Variants in LDHD observed in about 807,000 individuals in gnomAD.
LDHD encodes the protein lactate dehydrogenase D.
In LDHD, 58 loss-of-function variants were observed where a neutral mutation model predicts 52.9. That is an observed-to-expected ratio of 1.10 (90% CI 0.89 to 1.36). LDHD has a LOEUF of 1.36. LDHD is among the 40% of genes most tolerant of loss of function. The pLI, the probability that LDHD is intolerant of heterozygous loss-of-function variation, is 0.00. For missense variants in LDHD, 747 were observed against 668.0 expected (o/e 1.12, Z -1.30); for synonymous variants, 350 against 288.6 (o/e 1.21, Z -2.16).
rs2036525193 is a variant in LDHD, at chr16:75,115,348, A to T, written c.186-9T>A. The T allele has an allele frequency of 6.2e-7, 1 of 1,613,214 alleles. No individual in the cohort carries two copies. The highest frequency in any genetic ancestry group is 1.3e-5 in the African/African-American group (1 of 74,946). ...CATCAGGAGGTTCGCACCTAGAACC[A>T]GACCCTCAGCGATTTAGCGGGGCGT... On this transcript the variant is annotated splice_polypyrimidine_tract_variant and intron_variant, in intron 2 of 10. Transcript: ENST00000450168.
In LDHD at chr16:75,114,111, C is replaced by T. The variant is rs759165932; in HGVS notation, c.684G>A (p.Thr228=). 9.9e-6 allele frequency: 16 copies of T among 1,612,386 alleles called. No individual in the cohort carries two copies. The highest frequency in any genetic ancestry group is 1.3e-5 in the Non-Finnish European group (15 of 1,179,990). The change falls in exon 6 of 11, where the codon ACG becomes ACA. Residue 228 remains threonine, a synonymous_variant. Transcript: ENST00000450168. Reference sequence around the variant, plus strand: ...GGGTGGTGGCTGTGATGAGGCCCAGCGTCCCCTCGGAGCCCACGAAGAGCC... The same window carrying T: ...GGGTGGTGGCTGTGATGAGGCCCAGTGTCCCCTCGGAGCCCACGAAGAGCC... ...LTGLFVGSEG[T]LGLITATTLR...
At position 75,111,981 on chromosome 16, in the gene LDHD, G is replaced by A. The variant is rs2036402548; in HGVS notation, c.*375C>T. On this transcript the variant is annotated 3_prime_UTR_variant, in exon 11 of 11. Coordinates refer to ENST00000450168, the MANE Select transcript of LDHD (RefSeq NM_194436.3). ...AGGAAAGGAGTGTTCCTGTCACCAG[G>A]TGAAGGGGGAAGGGTCCTGGGACCC... 2 of 204,244 alleles carry A rather than the reference G, an allele frequency of 9.8e-6. No individual in the cohort carries two copies. Among genetic ancestry groups the A allele is most frequent in the Admixed American group, 5.4e-5 (1 of 18,606 alleles). 12.7% of individuals were successfully genotyped at this position (204,244 alleles called of 1,614,324 possible). A position where few individuals can be genotyped will look rare whatever the true frequency, so the allele number is the denominator to read the frequency against.
intron 8 of LDHD, among the ~76,000 whole-genome samples, 161 bp from the exon 9 acceptor site, chr16:75,113,085 C>A (rs1055262371): frequency 6.6e-6 from 1 of 152,082 alleles, no homozygotes; most frequent in African/African-American, 2.4e-5. Context: ...CACCTCCCCC[C>A]GACACAACAC....
At chr16:75,114,294 G>T in intron 5 of LDHD, 129 bp from the exon 6 acceptor site, 2 of 1,530,196 alleles carry the variant, frequency 1.3e-6, no homozygotes, top group Non-Finnish European at 1.8e-6. Context: ...CTCGGGCCCA[G>T]TTTCCCTGGC....
intron 8 of LDHD, 47 bp from the exon 9 acceptor site, chr16:75,112,971 C>A: frequency 7.0e-7 from 1 of 1,430,186 alleles, no homozygotes; most frequent in Non-Finnish European, 9.7e-7. Flanking sequence ...ATTGGGTGTA[C>A]GGGGTCACCG....
At chr16:75,115,690 C>A (rs1225685124) in intron 1 of LDHD, 30 bp from the exon 2 acceptor site, 5 of 1,403,648 alleles carry the variant, frequency 3.6e-6, no homozygotes, top group Non-Finnish European at 3.0e-6. Flanking sequence ...TGCCAGGGTC[C>A]CCCGAAAGAC....
In LDHD at chr16:75,114,098, T is replaced by C; in HGVS notation, c.697A>G (p.Thr233Ala). Residue 233 changes from threonine to alanine, a missense_variant, in exon 6 of 11, where the codon ACA becomes GCA. Transcript: ENST00000450168. ...GGGTGCAGGCGCAGGGTGGTGGCTG[T>C]GATGAGGCCCAGCGTCCCCTCGGAG... Reference protein sequence around the residue: ...VGSEGTLGLITATTLRLHPAP... With the variant: ...VGSEGTLGLIAATTLRLHPAP... 6.2e-7 allele frequency: 1 copy of C among 1,612,080 alleles called. No homozygotes were observed. The highest frequency in any genetic ancestry group is 8.5e-7 in the Non-Finnish European group (1 of 1,179,950).
At chr16:75,113,719 T>G (rs758780439) in intron 7 of LDHD, 23 bp downstream of exon 7, 8 of 1,613,010 alleles carry the variant, frequency 5.0e-6, no homozygotes, top group Non-Finnish European at 6.8e-6. Context: ...CCCACCCTGC[T>G]GCCCCACTCC....
At chr16:75,114,238 GA>G in intron 5 of LDHD, 73 bp from the exon 6 acceptor site, 1 of 1,590,326 alleles carries the variant, frequency 6.3e-7, no homozygotes, top group Non-Finnish European at 8.5e-7. Flanking sequence ...GCCGAAGCTG[GA>G]ACCCAAGACA....
Position 75,116,741 on chromosome 16 carries a change from G to T in LDHD, c.-21C>A. The T allele has an allele frequency of 6.5e-7, 1 of 1,540,668 alleles. No homozygotes were observed. The highest frequency in any genetic ancestry group is 8.7e-7 in the Non-Finnish European group (1 of 1,143,274). ...GCCATAGCCAGGCACTGGCCAGAGG[G>T]TGTGAGCACTGGGTGGCAGGGTGAC... On this transcript the variant is annotated 5_prime_UTR_variant, in exon 1 of 11. Transcript: ENST00000450168.
At chr16:75,114,716 G>A (rs2036502889) in intron 4 of LDHD, 31 bp from the exon 5 acceptor site, 3 of 1,540,490 alleles carry the variant, frequency 1.9e-6, no homozygotes, top group Non-Finnish European at 2.6e-6. Flanking sequence ...GGCAGCCTCA[G>A]GGACCGGAGG....
Position 75,112,686 on chromosome 16 carries a change from C to T in LDHD, c.1205G>A (p.Gly402Asp). The change falls in exon 10 of 11, where the codon GGC becomes GAC. Residue 402 changes from glycine to aspartate, a missense_variant. Gly to Asp is a moderately conservative substitution (Grantham distance 94). Transcript: ENST00000450168. ...TGSIVGHVGD[G>D]NFHCILLVNP... ...GACCAGCAGGATGCAGTGGAAGTTG[C>T]CGTCACCCACATGCCCGACAATGCT... The T allele has an allele frequency of 1.2e-6, 2 of 1,614,060 alleles. No homozygotes were observed. Among genetic ancestry groups the T allele is most frequent in the African/African-American group, 1.3e-5 (1 of 75,052 alleles).
At chr16:75,112,789 C>A in intron 9 of LDHD, 45 bp downstream of exon 9, 1 of 1,601,422 alleles carries the variant, frequency 6.2e-7, no homozygotes, top group East Asian at 2.2e-5. Flanking sequence ...CTCTGATCAG[C>A]CCTGACACCT....
At position 75,113,743 on chromosome 16, in the gene LDHD, T is replaced by G. The variant is rs769465289; in HGVS notation, c.957A>C (p.Thr319=). ...QQALEEQLQR[T]EEIVQQNGAS... Reference sequence around the variant, plus strand: ...CTGCCCCACTCCACCCCAGCATACCTGTGCGCTGCAGCTGCTCCTCCAGTG... The same window carrying G: ...CTGCCCCACTCCACCCCAGCATACCGGTGCGCTGCAGCTGCTCCTCCAGTG... Residue 319 remains threonine (T), a splice_region_variant and synonymous_variant, in exon 7 of 11, where the codon ACA becomes ACC. Coordinates refer to ENST00000450168, the MANE Select transcript of LDHD (RefSeq NM_194436.3). 9 of 1,613,850 alleles carry G rather than the reference T, an allele frequency of 5.6e-6. No individual in the cohort carries two copies. The East Asian group carries it at 2.0e-4, about 36-fold the overall frequency.
chr16:75,113,737 C>A lies in LDHD; in HGVS notation c.958+5G>T. ...ACCCTGCTGCCCCACTCCACCCCAG[C>A]ATACCTGTGCGCTGCAGCTGCTCCT... is the stretch of plus-strand genomic sequence containing the variant. On this transcript the variant is annotated splice_donor_5th_base_variant and intron_variant, in intron 7 of 10. Transcript: ENST00000450168. 1 of 1,613,832 alleles carries A rather than the reference C, an allele frequency of 6.2e-7. No individual in the cohort carries two copies. The highest frequency in any genetic ancestry group is 8.5e-7 in the Non-Finnish European group (1 of 1,180,010).
chr16:75,113,739 T>C lies in LDHD; in HGVS notation c.958+3A>G. On this transcript the variant is annotated splice_donor_region_variant and intron_variant, in intron 7 of 10. Coordinates refer to ENST00000450168, the MANE Select transcript of LDHD (RefSeq NM_194436.3). ...CCTGCTGCCCCACTCCACCCCAGCA[T>C]ACCTGTGCGCTGCAGCTGCTCCTCC... is the stretch of plus-strand genomic sequence containing the variant. 1 of 1,613,510 alleles carries C rather than the reference T, an allele frequency of 6.2e-7. No homozygotes were observed. The highest frequency in any genetic ancestry group is 1.3e-5 in the African/African-American group (1 of 74,942).
rs779364388 is a variant in LDHD at position 75,112,445 on chromosome 16, C to T, written c.1366G>A (p.Glu456Lys). Residue 456 changes from glutamate (E) to lysine (K), a missense_variant, in exon 11 of 11, where the codon GAG becomes AAG. Coordinates refer to ENST00000450168, the MANE Select transcript of LDHD (RefSeq NM_194436.3). ...GTCTCCACGCCCACGGCGCCCACCT[C>T]CTCCTGCAGCAGCTGCCGCTTGCCC... Reference protein sequence around the residue: ...GMGKRQLLQEEVGAVGVETMR... With the variant: ...GMGKRQLLQEKVGAVGVETMR... 6.8e-6 allele frequency: 11 copies of T among 1,613,358 alleles called. No homozygotes were observed. Among genetic ancestry groups the T allele is most frequent in the Non-Finnish European group, 3.4e-6 (4 of 1,180,028 alleles).
intron 3 of LDHD, 81 bp downstream of exon 3, chr16:75,115,117 T>A: frequency 6.4e-7 from 1 of 1,552,614 alleles, no homozygotes; most frequent in Non-Finnish European, 8.7e-7. Flanking sequence ...CAAGGTGCCG[T>A]GTGTGGCGGG....
At chr16:75,115,723 CAGTGT>C in intron 1 of LDHD, 63 bp from the exon 2 acceptor site, 4 of 1,064,960 alleles carry the variant, frequency 3.8e-6, no homozygotes, top group Non-Finnish European at 5.4e-6. Context: ...AGCCCTGCCC[CAGTGT>C]CGGGGGGAGG....
Sources: allele counts gnomAD v4.1 joint callset (sites outside exome capture counted in the v4.1 genomes callset), GRCh38; gene constraint gnomAD v4.1.1; transcripts MANE v1.5; gene names NCBI Gene and HGNC (gene_info 2026-07-23, HGNC 2026-07-21).